ABCC1: variants seen among roughly 807,000 people sequenced by gnomAD.
ABCC1 encodes the protein multidrug resistance-associated protein 1.
Under a neutral mutation model 172.9 loss-of-function variants are expected in ABCC1, and 83 were observed. The observed-to-expected ratio is 0.48, with a 90% CI of 0.40 to 0.58. ABCC1 has a LOEUF of 0.58. Among genes scored for constraint, ABCC1 ranks in the 20% least tolerant of loss-of-function variants. The pLI, the probability that ABCC1 is intolerant of heterozygous loss-of-function variation, is 0.00. For missense variants in ABCC1, 1,817 were observed against 2,002.7 expected (o/e 0.91, Z 1.77); for synonymous variants, 937 against 825.2 (o/e 1.14, Z -2.32).
intron 6 of ABCC1, among the ~76,000 whole-genome samples, chr16:16,034,528 G>T (rs1268480145): frequency 6.7e-6 from 1 of 150,118 alleles, no homozygotes; most frequent in Non-Finnish European, 1.5e-5. Flanking sequence ...TGGATTGGAA[G>T]AGAATACCTC....
At chr16:16,046,381 C>G (rs1380111956) in intron 9 of ABCC1, among the ~76,000 whole-genome samples, 2 of 151,880 alleles carry the variant, frequency 1.3e-5, no homozygotes, top group Admixed American at 6.6e-5. Context: ...GTCTCACTCT[C>G]TCCCCCAGAC....
At position 16,014,608 on chromosome 16, in the gene ABCC1, A is replaced by G; in HGVS notation, c.469A>G (p.Ile157Val). Residue 157 changes from isoleucine (I) to valine (V), a missense_variant, in exon 4 of 31, where the codon ATT becomes GTT. Physicochemically the swap from Ile to Val is conservative, Grantham distance 29. Around this residue, in one of 3 missense-constraint regions of ABCC1, gnomAD observed 398 missense variants for 384.2 expected, o/e 1.04. Transcript: ENST00000399410. The part of the protein sequence containing the change: ...VCALAILRSK[I>V]MTALKEDAQV... ...TGCCCTAGCCATCCTGAGATCCAAAATTATGACAGCCTTAAAAGAGGTAAG... is the reference window on the plus strand; with the variant it reads ...TGCCCTAGCCATCCTGAGATCCAAAGTTATGACAGCCTTAAAAGAGGTAAG... 1 of 1,613,924 alleles carries G rather than the reference A, an allele frequency of 6.2e-7. No individual in the cohort carries two copies. Among genetic ancestry groups the G allele is most frequent in the Non-Finnish European group, 8.5e-7 (1 of 1,179,996 alleles).
intron 14 of ABCC1, among the ~76,000 whole-genome samples, chr16:16,073,528 C>A (rs2050434858): frequency 6.6e-6 from 1 of 152,100 alleles, no homozygotes; most frequent in Non-Finnish European, 1.5e-5. Context: ...TTTGGGAGGC[C>A]AAGGCTGGAG....
intron 11 of ABCC1, among the ~76,000 whole-genome samples, chr16:16,053,224 T>A (rs2049505074): frequency 7.4e-6 from 1 of 135,846 alleles, no homozygotes. Context: ...TACCCCCTAC[T>A]TTTTTCCCCC....
At chr16:15,985,449 T>C (rs2046721348) in intron 1 of ABCC1, among the ~76,000 whole-genome samples, 1 of 152,128 alleles carries the variant, frequency 6.6e-6, no homozygotes, top group Non-Finnish European at 1.5e-5. Context: ...TCTTTTTCTT[T>C]TTTTTTTCTT....
chr16:15,965,072 T>TTTCCTATTTC (rs2046214819), intron 1 of ABCC1, among the ~76,000 whole-genome samples: 1 of 152,214 alleles, frequency 6.6e-6, no homozygotes, highest in African/African-American at 2.4e-5. Context: ...TGAGTCTTGT[T>TTTCCTATTTC]CTTACTAGTA....
intron 20 of ABCC1, among the ~76,000 whole-genome samples, chr16:16,103,761 A>G (rs2051900197): frequency 6.6e-6 from 1 of 152,174 alleles, no homozygotes; most frequent in African/African-American, 2.4e-5. Context: ...GGTGCCTGGA[A>G]CAGACAAACA....
chr16:16,086,801 C>T (rs748226268), intron 17 of ABCC1, 23 bp from the exon 18 acceptor site: 1 of 1,610,952 alleles, frequency 6.2e-7, no homozygotes, highest in South Asian at 1.1e-5. Context: ...AGGAAACCCA[C>T]TCCTGTGTGT....
chr16:16,124,297 T>C (rs2045305887), intron 24 of ABCC1, among the ~76,000 whole-genome samples: 1 of 117,512 alleles, frequency 8.5e-6, no homozygotes, highest in Non-Finnish European at 1.8e-5. Flanking sequence ...AGGACATCTT[T>C]TTGTTGTTGT....
In ABCC1 at chr16:16,141,222, G is replaced by A. The variant is rs566054736; in HGVS notation, c.4537G>A (p.Asp1513Asn). The A allele has an allele frequency of 1.2e-5, 20 of 1,614,030 alleles. No individual in the cohort carries two copies. The highest frequency in any genetic ancestry group is 1.7e-4 in the Middle Eastern group (1 of 6,056). ...GEIQEYGAPS[D>N]LLQQRGLFYS... ...AATCCAGGAGTACGGCGCCCCATCGGACCTCCTGCAGCAGAGAGGTCTTTT... is the reference window on the plus strand; with the variant it reads ...AATCCAGGAGTACGGCGCCCCATCGAACCTCCTGCAGCAGAGAGGTCTTTT... The change falls in exon 31 of 31, where the codon GAC becomes AAC. Residue 1513 changes from aspartate to asparagine, a missense_variant. Asp to Asn is a conservative substitution (Grantham distance 23). Transcript: ENST00000399410.
In ABCC1 at chr16:16,101,873, A is replaced by G. The variant is rs541507710; in HGVS notation, c.2645-754A>G. Among the ~76,000 whole-genome samples, 122 of 152,330 alleles carry G rather than the reference A, an allele frequency of 8.0e-4. 1 individual carries two copies. The highest frequency in any genetic ancestry group is 5.9e-5 in the Non-Finnish European group (4 of 68,034). On this transcript the variant is annotated intron_variant, in intron 19 of 30. Coordinates refer to ENST00000399410, the MANE Select transcript of ABCC1 (RefSeq NM_004996.4). ...GATTCTTCCTGGGATCAGGGCAGAT[A>G]TCCAGCTGCTGTGTCCCTTGGTGTC... is the stretch of plus-strand genomic sequence containing the variant.
intron 20 of ABCC1, among the ~76,000 whole-genome samples, chr16:16,105,810 G>C (rs1248012129): frequency 6.6e-6 from 1 of 150,910 alleles, no homozygotes; most frequent in Non-Finnish European, 1.5e-5. Context: ...GAAAACTGTG[G>C]GCGACGCAAT....
Position 16,055,557 on chromosome 16 carries a change from A to AG in ABCC1, c.1474-535_1474-534insG, listed in dbSNP as rs910467495. ...AGAGCGAGACTCCGTCACAAAAAAA[A>AG]AAAGAAAAAATACGAAAACAGAGAA... On this transcript the variant is annotated intron_variant, in intron 11 of 30. Coordinates refer to ENST00000399410, the MANE Select transcript of ABCC1 (RefSeq NM_004996.4). Among the ~76,000 whole-genome samples, 32 of 152,020 alleles carry AG rather than the reference A, an allele frequency of 2.1e-4. No homozygotes were observed. In the South Asian group the frequency reaches 2.3e-3, roughly 11 times the overall value.
At chr16:16,126,713 T>G (rs2045454447) in intron 26 of ABCC1, among the ~76,000 whole-genome samples, 2 of 152,196 alleles carry the variant, frequency 1.3e-5, no homozygotes, top group African/African-American at 4.8e-5. Flanking sequence ...GGGACTCCTG[T>G]TACGGAAAAT....
intron 1 of ABCC1, among the ~76,000 whole-genome samples, chr16:15,990,290 A>C (rs1017666319): frequency 1.3e-5 from 2 of 151,340 alleles, no homozygotes; most frequent in South Asian, 2.1e-4. Context: ...CAAGTGATCC[A>C]CCCTCCTCGG....
intron 1 of ABCC1, among the ~76,000 whole-genome samples, chr16:15,961,573 G>A (rs577675752): frequency 6.6e-6 from 1 of 152,078 alleles, no homozygotes; most frequent in Non-Finnish European, 1.5e-5. Flanking sequence ...GGTGTTTTTC[G>A]AGAAAAGTTT....
chr16:16,102,536 C>A, intron 19 of ABCC1, 91 bp from the exon 20 acceptor site: 1 of 1,163,194 alleles, frequency 8.6e-7, no homozygotes, highest in African/African-American at 1.5e-5. Flanking sequence ...GCTCTGTGGT[C>A]TCCTCACTGA....
Position 16,115,127 on chromosome 16 carries a change from A to G in ABCC1, c.3390+51A>G, listed in dbSNP as rs778715949. 3.9e-6 allele frequency: 6 copies of G among 1,547,596 alleles called. No homozygotes were observed. In the East Asian group the frequency reaches 1.1e-4, roughly 29 times the overall value. On this transcript the variant is annotated intron_variant, in intron 23 of 30. Coordinates refer to ENST00000399410, the MANE Select transcript of ABCC1 (RefSeq NM_004996.4). ...GGACAAGCCCTACTGTGCATTATAT[A>G]CCAGTGTTACCTAAAGCCTTGTTTT...
At chr16:15,996,071 A>G (rs1479484162) in intron 1 of ABCC1, among the ~76,000 whole-genome samples, 6 of 129,156 alleles carry the variant, frequency 4.6e-5, no homozygotes, top group African/African-American at 9.1e-5. Flanking sequence ...CACAACCTCC[A>G]CCTCCTGGGT....
Sources: allele counts gnomAD v4.1 joint callset (sites outside exome capture counted in the v4.1 genomes callset), GRCh38; gene constraint gnomAD v4.1.1; regional missense constraint gnomAD v4.1.1; transcripts MANE v1.5; gene names NCBI Gene and HGNC (gene_info 2026-07-23, HGNC 2026-07-21).